Variants in HINT3 observed in about 807,000 individuals in gnomAD.
HINT3 encodes histidine triad nucleotide binding protein 3, also known as adenosine 5'-monophosphoramidase HINT3.
A neutral mutation model predicts 19.1 loss-of-function variants in HINT3; 16 were observed. The observed-to-expected ratio is 0.84, with a 90% CI of 0.57 to 1.27. HINT3 has a LOEUF of 1.27. Among genes scored for constraint, HINT3 ranks in the 50% most tolerant of loss-of-function variants. HINT3 has a pLI of 0.00. For synonymous variants in HINT3, 75 were observed against 84.8 expected, an observed-to-expected ratio of 0.88 and a Z score of 0.63; for missense variants, 197 against 225.8, an observed-to-expected ratio of 0.87 and a Z score of 0.82.
At chr6:125,973,336 C>G (rs1029737724) in intron 3 of HINT3, among the ~76,000 whole-genome samples, 6 of 152,042 alleles carry the variant, frequency 3.9e-5, no homozygotes, top group Admixed American at 1.3e-4. Context: ...GCCTTGGCCT[C>G]TCAAAATGCT....
chr6:125,975,774 C>T (rs965158522), intron 4 of HINT3, among the ~76,000 whole-genome samples: 18 of 152,062 alleles, frequency 1.2e-4, no homozygotes. Context: ...GATGGGGTTT[C>T]ACCATGTTGG....
chr6:125,960,054 C>T (rs1026665823), intron 1 of HINT3, among the ~76,000 whole-genome samples: 6 of 152,154 alleles, frequency 3.9e-5, no homozygotes, highest in African/African-American at 1.4e-4. Context: ...AAGCAGGTGA[C>T]ATTTGGGTTA....
At chr6:125,963,232 G>C (rs931543478) in intron 1 of HINT3, among the ~76,000 whole-genome samples, 4 of 152,146 alleles carry the variant, frequency 2.6e-5, no homozygotes, top group Admixed American at 6.5e-5. Flanking sequence ...TAGATGTCTT[G>C]CCATTCTTGA....
At position 125,956,785 on chromosome 6, in the gene HINT3, G is replaced by A. The variant is rs1042832503; in HGVS notation, c.-193G>A. ...ATTGCGCGCCCTCTAGTGGCAGCCG[G>A]TTTTGAGGCCGGCCTCCGGCTTTGA... On this transcript the variant is annotated 5_prime_UTR_variant, in exon 1 of 5. Coordinates refer to ENST00000229633, the MANE Select transcript of HINT3 (RefSeq NM_138571.5). 3.1e-6 allele frequency: 2 copies of A among 651,378 alleles called. No individual in the cohort carries two copies. Among genetic ancestry groups the A allele is most frequent in the Non-Finnish European group, 5.2e-6 (2 of 385,680 alleles). The allele number at this position is 651,378 out of a possible 1,614,324, so 40.3% of individuals were successfully genotyped here.
At chr6:125,962,203 T>C (rs1235775814) in intron 1 of HINT3, among the ~76,000 whole-genome samples, 2 of 47,512 alleles carry the variant, frequency 4.2e-5, no homozygotes, top group African/African-American at 3.8e-4. Flanking sequence ...TATATATATA[T>C]ATATATACAC....
chr6:125,968,365 A>G (rs1449791257), intron 2 of HINT3, among the ~76,000 whole-genome samples: 3 of 152,180 alleles, frequency 2.0e-5, no homozygotes, highest in Non-Finnish European at 4.4e-5. Context: ...ATAGCTGCAT[A>G]GTATTACATG....
At chr6:125,962,257 T>TATATATATATACACAC (rs1788949170) in intron 1 of HINT3, among the ~76,000 whole-genome samples, 2 of 21,316 alleles carry the variant, frequency 9.4e-5, no homozygotes, top group Non-Finnish European at 1.5e-4. Flanking sequence ...TATACACACA[T>TATATATATATACACAC]ATATATATAT....
At chr6:125,963,731 T>C (rs962016844) in intron 1 of HINT3, among the ~76,000 whole-genome samples, 4 of 152,172 alleles carry the variant, frequency 2.6e-5, no homozygotes, top group African/African-American at 4.8e-5. Context: ...ATTGTATCTG[T>C]GCCATTAAAA....
Position 125,977,687 on chromosome 6 carries a change from A to G in HINT3, c.*11A>G, listed in dbSNP as rs903789864. 6.7e-7 allele frequency: 1 copy of G among 1,491,686 alleles called. No homozygotes were observed. Among genetic ancestry groups the G allele is most frequent in the Non-Finnish European group, 9.1e-7 (1 of 1,101,296 alleles). 92.4% of individuals were successfully genotyped at this position (1,491,686 alleles called of 1,614,324 possible). ...AAACTAAGAACATGAAAATGTCAAGAGTGGAAGATTTTTCTAATCTTGGTT... is the reference window on the plus strand; with the variant it reads ...AAACTAAGAACATGAAAATGTCAAGGGTGGAAGATTTTTCTAATCTTGGTT... On this transcript the variant is annotated 3_prime_UTR_variant, in exon 5 of 5. Transcript: ENST00000229633.
At chr6:125,970,507 C>T (rs1488426528) in intron 2 of HINT3, among the ~76,000 whole-genome samples, 1 of 152,128 alleles carries the variant, frequency 6.6e-6, no homozygotes, top group Non-Finnish European at 1.5e-5. Flanking sequence ...AATTTTGAAG[C>T]AGCTGGTAGG....
In HINT3 at chr6:125,967,018, A is replaced by G. The variant is rs1789028429; in HGVS notation, c.319+14A>G. On this transcript the variant is annotated intron_variant, in intron 2 of 4. Transcript: ENST00000229633. ...AAGTAGAACTGGGTAAGATGATGGC[A>G]GTATTCTTCATGTTTATATCATTTT... 7.0e-7 allele frequency: 1 copy of G among 1,431,670 alleles called. No individual in the cohort carries two copies. Among genetic ancestry groups the G allele is most frequent in the African/African-American group, 1.4e-5 (1 of 70,902 alleles). The allele number at this position is 1,431,670 out of a possible 1,614,324, so 88.7% of individuals were successfully genotyped here. A position where few individuals can be genotyped will look rare whatever the true frequency, so the allele number is the denominator to read the frequency against.
intron 1 of HINT3, among the ~76,000 whole-genome samples, chr6:125,965,323 T>G (rs973649677): frequency 3.9e-5 from 6 of 152,182 alleles, no homozygotes; most frequent in Admixed American, 2.0e-4. Context: ...CAGGTTGTAT[T>G]CTGTACCAGA....
chr6:125,960,659 G>GGGGT lies in HINT3; in HGVS notation c.201+3484_201+3485insTGGG, dbSNP rs1297394998. ...GTGACAGAGCAAGACTCTCTCTGGG[G>GGGGT]GGGGGGAAAAAAAAAGAAGTTAGGG... On this transcript the variant is annotated intron_variant, in intron 1 of 4. Transcript: ENST00000229633. Among the ~76,000 whole-genome samples the GGGGT allele has an allele frequency of 3.4e-5, 5 of 144,994 alleles. 1 individual carries two copies. The South Asian group carries it at 7.2e-4, about 21-fold the overall frequency.
At chr6:125,960,258 T>G (rs1424403496) in intron 1 of HINT3, among the ~76,000 whole-genome samples, 1 of 152,234 alleles carries the variant, frequency 6.6e-6, no homozygotes, top group Non-Finnish European at 1.5e-5. Context: ...TTCTTCCCAC[T>G]TTCCAGCAGC....
chr6:125,966,805 A>T (rs1193296519), intron 1 of HINT3, 82 bp from the exon 2 acceptor site: 15 of 854,982 alleles, frequency 1.8e-5, no homozygotes, highest in Non-Finnish European at 2.6e-5. Flanking sequence ...TGTCAGACTG[A>T]GATTAATGAT....
rs1562211533 is a variant in HINT3, at chr6:125,960,671, A to AGGG, written c.201+3493_201+3494insGGG. 1.7e-3 allele frequency among the ~76,000 whole-genome samples: 160 copies of AGGG among 92,470 alleles called. 28 individuals are homozygous for AGGG. Among genetic ancestry groups the AGGG allele is most frequent in the East Asian group, 0.011 (20 of 1,876 alleles). 60.7% of individuals were successfully genotyped at this position (92,470 alleles called of 152,430 possible). A position where few individuals can be genotyped will look rare whatever the true frequency, so the allele number is the denominator to read the frequency against. ...GACTCTCTCTGGGGGGGGGGAAAAA[A>AGGG]AAAGAAGTTAGGGCAAGCAAGTGGC... On this transcript the variant is annotated intron_variant, in intron 1 of 4. Transcript: ENST00000229633.
At position 125,956,833 on chromosome 6, in the gene HINT3, C is replaced by T; in HGVS notation, c.-145C>T. ...TGAAGTTCCTCACCGCGTCTCCTTC[C>T]CTCTCCCCAAAGCCTGGATCACCGC... On this transcript the variant is annotated 5_prime_UTR_variant, in exon 1 of 5. Coordinates refer to ENST00000229633, the MANE Select transcript of HINT3 (RefSeq NM_138571.5). 1 of 856,834 alleles carries T rather than the reference C, an allele frequency of 1.2e-6. No homozygotes were observed. 53.1% of individuals were successfully genotyped at this position (856,834 alleles called of 1,614,324 possible). A position where few individuals can be genotyped will look rare whatever the true frequency, so the allele number is the denominator to read the frequency against.
At chr6:125,977,165 T>C (rs936831304) in intron 4 of HINT3, among the ~76,000 whole-genome samples, 11 of 152,200 alleles carry the variant, frequency 7.2e-5, no homozygotes, top group Admixed American at 5.2e-4. Context: ...CATTATAGCA[T>C]CATACCTAAC....
At chr6:125,967,898 C>T (rs1198178039) in intron 2 of HINT3, among the ~76,000 whole-genome samples, 1 of 152,148 alleles carries the variant, frequency 6.6e-6, no homozygotes, top group East Asian at 1.9e-4. Context: ...CCTACTCATG[C>T]CTTCTGTGGC....
Sources: allele counts gnomAD v4.1 joint callset (sites outside exome capture counted in the v4.1 genomes callset), GRCh38; gene constraint gnomAD v4.1.1; transcripts MANE v1.5; gene names NCBI Gene and HGNC (gene_info 2026-07-23, HGNC 2026-07-21).